GRID2: variants seen among roughly 807,000 people sequenced by gnomAD.
GRID2 encodes glutamate ionotropic receptor delta type subunit 2, also known as glutamate receptor ionotropic, delta-2.
A neutral mutation model predicts 114.8 loss-of-function variants in GRID2; 33 were observed. That is an observed-to-expected ratio of 0.29 (90% CI 0.22 to 0.38). GRID2 has a LOEUF of 0.38. Among genes scored for constraint, GRID2 ranks in the 10% least tolerant of loss-of-function variants. The probability of loss-of-function intolerance (pLI) is 1.00; values close to 1 mark genes in which losing one functional copy is unlikely to be tolerated. For synonymous variants in GRID2, 505 were observed against 449.9 expected, an observed-to-expected ratio of 1.12 and a Z score of -1.55; for missense variants, 1,184 against 1,257.7, an observed-to-expected ratio of 0.94 and a Z score of 0.89.
chr4:93,140,370 G>A (rs1032297164), intron 4 of GRID2, among the ~76,000 whole-genome samples: 9 of 151,962 alleles, frequency 5.9e-5, no homozygotes, highest in African/African-American at 1.5e-4. Context: ...GTGTTAGCCC[G>A]GATGGTCTCT....
At chr4:93,726,225 C>A (rs1424231849) in intron 14 of GRID2, among the ~76,000 whole-genome samples, 1 of 152,172 alleles carries the variant, frequency 6.6e-6, no homozygotes, top group Non-Finnish European at 1.5e-5. Flanking sequence ...TTCCCAGCAC[C>A]ATTTATTAAA....
At chr4:93,019,266 A>C (rs1401040245) in intron 2 of GRID2, among the ~76,000 whole-genome samples, 1 of 152,210 alleles carries the variant, frequency 6.6e-6, no homozygotes, top group Non-Finnish European at 1.5e-5. Flanking sequence ...ACAGTCTTAC[A>C]GCCAAATACC....
intron 1 of GRID2, among the ~76,000 whole-genome samples, chr4:92,589,614 A>C (rs2149210544): frequency 6.6e-6 from 1 of 152,300 alleles, no homozygotes; most frequent in South Asian, 2.1e-4. Flanking sequence ...TATAAATATT[A>C]TTGACTTTAC....
chr4:92,734,112 T>G (rs1579936458), intron 2 of GRID2, among the ~76,000 whole-genome samples: 1 of 152,284 alleles, frequency 6.6e-6, no homozygotes, highest in Non-Finnish European at 1.5e-5. Context: ...CTTTGTAATT[T>G]ATTTTTACAT....
At chr4:93,003,459 T>C (rs1721205691) in intron 2 of GRID2, among the ~76,000 whole-genome samples, 2 of 151,996 alleles carry the variant, frequency 1.3e-5, no homozygotes, top group South Asian at 4.1e-4. Flanking sequence ...GAGAAATATA[T>C]GGCATGAATA....
At chr4:92,441,227 T>G (rs1733054146) in intron 1 of GRID2, among the ~76,000 whole-genome samples, 1 of 152,092 alleles carries the variant, frequency 6.6e-6, no homozygotes, top group East Asian at 1.9e-4. Flanking sequence ...TCGGACAAGA[T>G]TGGCAGGGAG....
At chr4:92,986,943 T>A (rs1248736009) in intron 2 of GRID2, among the ~76,000 whole-genome samples, 1 of 152,126 alleles carries the variant, frequency 6.6e-6, no homozygotes, top group Non-Finnish European at 1.5e-5. Context: ...CTTCCTTCTT[T>A]TTGTCCCCCA....
intron 7 of GRID2, among the ~76,000 whole-genome samples, chr4:93,233,271 G>T (rs1429650177): frequency 6.6e-6 from 1 of 151,868 alleles, no homozygotes; most frequent in Non-Finnish European, 1.5e-5. Flanking sequence ...AAACGATGTT[G>T]AAATTTCCAA....
chr4:92,913,978 T>A (rs181229639), intron 2 of GRID2, among the ~76,000 whole-genome samples: 105 of 152,238 alleles, frequency 6.9e-4, no homozygotes, highest in Non-Finnish European at 1.3e-3. Context: ...ATTCATAGCA[T>A]ACTGCATTTG....
chr4:93,352,981 C>T (rs766905991), intron 8 of GRID2, among the ~76,000 whole-genome samples: 9 of 151,998 alleles, frequency 5.9e-5, no homozygotes, highest in South Asian at 2.1e-4. Context: ...AGAAATAAAG[C>T]GGAGTTGTGA....
intron 1 of GRID2, among the ~76,000 whole-genome samples, chr4:92,559,364 C>T (rs908644128): frequency 1.3e-5 from 2 of 152,038 alleles, no homozygotes; most frequent in Non-Finnish European, 2.9e-5. Flanking sequence ...ATGCTCGGGA[C>T]AAGAAGTGTT....
At chr4:92,510,263 A>G (rs1482778603) in intron 1 of GRID2, among the ~76,000 whole-genome samples, 1 of 151,934 alleles carries the variant, frequency 6.6e-6, no homozygotes, top group Non-Finnish European at 1.5e-5. Context: ...TTGGATCTGA[A>G]CCAGTACAAT....
At chr4:92,652,203 A>T (rs1426207576) in intron 2 of GRID2, among the ~76,000 whole-genome samples, 1 of 152,010 alleles carries the variant, frequency 6.6e-6, no homozygotes, top group African/African-American at 2.4e-5. Flanking sequence ...AATGTATTGG[A>T]TGATGCCTGC....
chr4:93,168,270 A>AGAAAG (rs1047561758), intron 4 of GRID2, among the ~76,000 whole-genome samples: 2 of 151,830 alleles, frequency 1.3e-5, no homozygotes, highest in Non-Finnish European at 2.9e-5. Flanking sequence ...AGAAAGAAAG[A>AGAAAG]GAAAGGAAAG....
chr4:92,321,383 CTG>C (rs772307703), intron 1 of GRID2, among the ~76,000 whole-genome samples: 43 of 152,322 alleles, frequency 2.8e-4, no homozygotes, highest in South Asian at 6.2e-4. Flanking sequence ...CGCAAAAACA[CTG>C]TTCAAACTGA....
intron 2 of GRID2, among the ~76,000 whole-genome samples, chr4:93,074,638 A>G (rs1729097606): frequency 6.6e-6 from 1 of 152,170 alleles, no homozygotes; most frequent in Non-Finnish European, 1.5e-5. Flanking sequence ...GGAAATTGTG[A>G]AGATCAGAGC....
At chr4:92,358,678 A>G (rs1728462990) in intron 1 of GRID2, among the ~76,000 whole-genome samples, 1 of 151,938 alleles carries the variant, frequency 6.6e-6, no homozygotes, top group African/African-American at 2.4e-5. Context: ...TGCAGATTTC[A>G]TTAGTCTACT....
intron 14 of GRID2, among the ~76,000 whole-genome samples, chr4:93,645,502 G>C (rs1294137382): frequency 6.6e-6 from 1 of 152,112 alleles, no homozygotes; most frequent in Non-Finnish European, 1.5e-5. Flanking sequence ...AAAGGGCATA[G>C]AGATAAAAAG....
chr4:93,552,971 T>G (rs890307862), intron 13 of GRID2, among the ~76,000 whole-genome samples: 17 of 152,266 alleles, frequency 1.1e-4, no homozygotes, highest in African/African-American at 3.1e-4. Context: ...ACTCATCCTT[T>G]TTATGGCTGC....
Sources: gnomAD v4.1 joint callset for allele counts (sites outside exome capture counted in the v4.1 genomes callset) on GRCh38, gnomAD v4.1.1 for gene constraint, MANE v1.5 for transcripts, NCBI Gene and HGNC (gene_info 2026-07-23, HGNC 2026-07-21) for gene names.